Variants in RGS8 observed in about 807,000 individuals in gnomAD.
RGS8 encodes the protein regulator of G-protein signaling 8.
In RGS8, 8 loss-of-function variants were observed where a neutral mutation model predicts 21.7. The ratio of observed to expected loss-of-function variants is 0.37; its 90% CI spans 0.22 to 0.66. The LOEUF (loss-of-function observed/expected upper bound fraction) is 0.66, where lower values mean the gene tolerates loss of function less well. RGS8 is among the 30% of genes least tolerant of loss of function. RGS8 has a pLI of 0.59. For missense variants in RGS8, 157 were observed against 217.9 expected (o/e 0.72, Z 1.76); for synonymous variants, 80 against 83.6 (o/e 0.96, Z 0.24).
At chr1:182,706,630 C>T in the RGS8 span, among the ~76,000 whole-genome samples, 3 of 151,816 alleles carry the variant, frequency 2.0e-5, no homozygotes, top group Non-Finnish European at 4.4e-5. Context: ...CCACGCCTGG[C>T]TAATTTTTGT....
upstream of RGS8, among the ~76,000 whole-genome samples, chr1:182,674,794 A>T (rs1004056864): frequency 6.6e-6 from 1 of 152,112 alleles, no homozygotes; most frequent in Non-Finnish European, 1.5e-5. Flanking sequence ...TTTTCCAGCT[A>T]CTGCTCCTGA....
At chr1:182,677,551 G>C (rs1664404699), upstream of RGS8, among the ~76,000 whole-genome samples, 2 of 152,172 alleles carry the variant, frequency 1.3e-5, no homozygotes, top group South Asian at 4.1e-4. Context: ...TTTACCACCT[G>C]CTCAGCGAGG....
At chr1:182,716,383 C>T in the RGS8 span, among the ~76,000 whole-genome samples, 1 of 152,102 alleles carries the variant, frequency 6.6e-6, no homozygotes, top group East Asian at 1.9e-4. Context: ...ACCTTGGCCT[C>T]CCAAAGTACT....
chr1:182,693,862 T>C, the RGS8 span, among the ~76,000 whole-genome samples: 1 of 152,046 alleles, frequency 6.6e-6, no homozygotes, highest in African/African-American at 2.4e-5. Flanking sequence ...AGCAAATTAA[T>C]GCAGGAACAA....
chr1:182,751,365 C>T, the RGS8 span, among the ~76,000 whole-genome samples: 1 of 152,180 alleles, frequency 6.6e-6, no homozygotes, highest in Non-Finnish European at 1.5e-5. Flanking sequence ...TTAACTCATT[C>T]ATTTATTTAT....
At chr1:182,694,583 G>A in the RGS8 span, among the ~76,000 whole-genome samples, 2 of 152,190 alleles carry the variant, frequency 1.3e-5, no homozygotes, top group Admixed American at 6.5e-5. Context: ...GAGGTGGGAA[G>A]ATCAGTTGAG....
At chr1:182,733,845 C>T in the RGS8 span, 1 of 152,006 alleles carries the variant, frequency 6.6e-6, no homozygotes, top group Non-Finnish European at 1.5e-5. Flanking sequence ...ATGGCATAGT[C>T]AAAAGAAAAC....
intron 3 of RGS8, 149 bp downstream of exon 4, chr1:182,669,475 A>G (rs918420723): frequency 8.7e-7 from 1 of 1,145,436 alleles, no homozygotes; most frequent in Non-Finnish European, 1.3e-6. Flanking sequence ...AGAACCGTGC[A>G]GTTCACACAG....
At chr1:182,673,161 C>T (rs564941498), upstream of RGS8, among the ~76,000 whole-genome samples, 12 of 152,288 alleles carry the variant, frequency 7.9e-5, 1 homozygote, top group South Asian at 1.9e-3. Flanking sequence ...TGCTGCAAAC[C>T]GTTTCTGAAA....
At chr1:182,663,414 T>C (rs528743651) in intron 5 of RGS8, among the ~76,000 whole-genome samples, 4 of 152,218 alleles carry the variant, frequency 2.6e-5, no homozygotes, top group African/African-American at 4.8e-5. Context: ...TTTTTACTTC[T>C]ATACTAAACA....
the RGS8 span, among the ~76,000 whole-genome samples, chr1:182,693,686 C>T: frequency 6.6e-6 from 1 of 152,198 alleles, no homozygotes; most frequent in Non-Finnish European, 1.5e-5. Context: ...TTCATTGCAG[C>T]ACTATTCACA....
the RGS8 span, among the ~76,000 whole-genome samples, chr1:182,724,827 G>T: frequency 1.3e-5 from 2 of 152,126 alleles, no homozygotes; most frequent in Non-Finnish European, 2.9e-5. Context: ...CAAAGTGCTG[G>T]GATTACAGGC....
upstream of RGS8, among the ~76,000 whole-genome samples, chr1:182,674,819 T>C (rs1035080124): frequency 1.3e-5 from 2 of 152,174 alleles, no homozygotes; most frequent in Admixed American, 6.5e-5. Context: ...CTAGCTGCAG[T>C]TGGCACAGGA....
chr1:182,747,878 G>T, the RGS8 span, among the ~76,000 whole-genome samples: 13 of 151,136 alleles, frequency 8.6e-5, no homozygotes, highest in Non-Finnish European at 1.2e-4. Context: ...TCCAGGCAGT[G>T]TTTAAATCAG....
At chr1:182,654,503 G>A (rs989362045) in intron 5 of RGS8, among the ~76,000 whole-genome samples, 2 of 152,204 alleles carry the variant, frequency 1.3e-5, no homozygotes, top group African/African-American at 4.8e-5. Context: ...CTGCACCCAC[G>A]TGCTAGGTTT....
the RGS8 span, among the ~76,000 whole-genome samples, chr1:182,724,633 C>CTGCACT: frequency 6.6e-6 from 1 of 152,186 alleles, no homozygotes; most frequent in Non-Finnish European, 1.5e-5. Context: ...TCTCGGCCCA[C>CTGCACT]TGCAACCTCT....
At position 182,657,752 on chromosome 1, in the gene RGS8, T is replaced by C. The variant is rs187717062; in HGVS notation, c.193+8217A>G. 6.6e-5 allele frequency among the ~76,000 whole-genome samples: 10 copies of C among 152,362 alleles called. No individual in the cohort carries two copies. The East Asian group carries it at 1.7e-3, about 26-fold the overall frequency. ...GCATCTGCTCCATAGGGTTCTGGGATGTGGTAAGTTCATACATGTAAACAA... is the reference window on the plus strand; with the variant it reads ...GCATCTGCTCCATAGGGTTCTGGGACGTGGTAAGTTCATACATGTAAACAA... On this transcript the variant is annotated intron_variant, in intron 5 of 6. Coordinates refer to ENST00000483095, the Ensembl canonical transcript of RGS8.
chr1:182,685,195 C>T (rs1180481550), upstream of RGS8, among the ~76,000 whole-genome samples: 1 of 152,186 alleles, frequency 6.6e-6, no homozygotes, highest in African/African-American at 2.4e-5. Context: ...CCTCGACCAC[C>T]TGCCCATCCT....
intron 5 of RGS8, among the ~76,000 whole-genome samples, chr1:182,649,849 C>T (rs60507505): frequency 6.6e-6 from 1 of 150,782 alleles, no homozygotes; most frequent in Non-Finnish European, 1.5e-5. Context: ...AAGACCCCGG[C>T]AATAATCTTT....
Sources: allele counts gnomAD v4.1 joint callset (sites outside exome capture counted in the v4.1 genomes callset), GRCh38; gene constraint gnomAD v4.1.1; transcripts MANE v1.5; gene names NCBI Gene and HGNC (gene_info 2026-07-23, HGNC 2026-07-21).